DNMT1: variants seen among roughly 807,000 people sequenced by gnomAD.
DNMT1 encodes the protein DNA (cytosine-5)-methyltransferase 1.
In DNMT1, 24 loss-of-function variants were observed where a neutral mutation model predicts 205.3. That is an observed-to-expected ratio of 0.12 (90% CI 0.08 to 0.16). The LOEUF (loss-of-function observed/expected upper bound fraction) is 0.16. DNMT1 is among the 10% of genes least tolerant of loss of function. DNMT1 has a pLI of 1.00. For synonymous variants in DNMT1, 817 were observed against 839.8 expected (o/e 0.97, Z 0.47); for missense variants, 1,293 against 2,177.7 (o/e 0.59, Z 8.09).
intron 6 of DNMT1, among the ~76,000 whole-genome samples, chr19:10,176,479 G>A (rs955756928): frequency 3.9e-5 from 6 of 152,186 alleles, no homozygotes; most frequent in Admixed American, 6.5e-5. Flanking sequence ...AGGGAAAAAC[G>A]TAAATACCAA....
At chr19:10,158,596 A>G (rs952740322) in intron 17 of DNMT1, among the ~76,000 whole-genome samples, 8 of 152,178 alleles carry the variant, frequency 5.3e-5, no homozygotes, top group Admixed American at 3.9e-4. Flanking sequence ...AGGGAGAGGG[A>G]GCAAAATGGG....
chr19:10,180,339 T>G lies in DNMT1; in HGVS notation c.445+11A>C. 6.2e-7 allele frequency: 1 copy of G among 1,609,118 alleles called. No homozygotes were observed. ...AAACAATTAAAAATAAAAGGAATCATCTGCTCTTACGCTTAGCCTCTCCAT... is the reference window on the plus strand; with the variant it reads ...AAACAATTAAAAATAAAAGGAATCAGCTGCTCTTACGCTTAGCCTCTCCAT... On this transcript the variant is annotated intron_variant, in intron 4 of 40. Transcript: ENST00000359526.
chr19:10,183,695 G>T (rs1303154735), intron 1 of DNMT1, among the ~76,000 whole-genome samples: 2 of 152,020 alleles, frequency 1.3e-5, no homozygotes, highest in Non-Finnish European at 2.9e-5. Context: ...TGGCCAACAT[G>T]GCGAAACCCC....
At position 10,137,540 on chromosome 19, in the gene DNMT1, G is replaced by A. The variant is rs1336825328; in HGVS notation, c.4294-260C>T. ...GGAGTGGTGCCAGGGGATGGTGAAA[G>A]GGCTGGTCTTGGCATCCTGGGAAAA... is the stretch of plus-strand genomic sequence containing the variant. On this transcript the variant is annotated intron_variant, in intron 36 of 40. Transcript: ENST00000359526. The surrounding 1 kb of genome is among the most constrained non-coding windows in gnomAD (Gnocchi z 6.4). The A allele has an allele frequency of 7.8e-6, 5 of 637,386 alleles. No individual in the cohort carries two copies. Among genetic ancestry groups the A allele is most frequent in the Non-Finnish European group, 1.4e-5 (5 of 367,660 alleles). 39.5% of individuals were successfully genotyped at this position (637,386 alleles called of 1,614,324 possible). A position where few individuals can be genotyped will look rare whatever the true frequency, so the allele number is the denominator to read the frequency against.
rs76777528 is a variant in DNMT1, at chr19:10,168,833, C to A, written c.769-469G>T. On this transcript the variant is annotated intron_variant, in intron 9 of 40. Coordinates refer to ENST00000359526, the MANE Select transcript of DNMT1 (RefSeq NM_001130823.3). ...CACAACAACACATCCTCTGAGACTG[C>A]ATTTATTCATTTATTTATTTATGAG... 2.8e-3 allele frequency among the ~76,000 whole-genome samples: 420 copies of A among 152,140 alleles called. 2 individuals carry two copies. Among genetic ancestry groups the A allele is most frequent in the Non-Finnish European group, 5.2e-3 (353 of 67,988 alleles).
At chr19:10,139,613 C>G in intron 34 of DNMT1, 63 bp downstream of exon 34, 1 of 1,579,646 alleles carries the variant, frequency 6.3e-7, no homozygotes. Context: ...TAAGGGATGG[C>G]TGGCTGCTGG....
In DNMT1 at chr19:10,140,505, G is replaced by T; in HGVS notation, c.3524-177C>A. On this transcript the variant is annotated intron_variant, in intron 32 of 40. Transcript: ENST00000359526. This position sits in a 1 kb window ranked among gnomAD's most constrained non-coding sequence, Gnocchi z 8.4. The stretch of plus-strand genomic sequence containing the variant: ...CCACCTCAGCCTCCTGAGTAGCTGG[G>T]ACTACAGGCACACACCACCACGCCC... 1 of 999,936 alleles carries T rather than the reference G, an allele frequency of 1.0e-6. No individual in the cohort carries two copies. Among genetic ancestry groups the T allele is most frequent in the South Asian group, 1.5e-5 (1 of 65,730 alleles). 61.9% of individuals were successfully genotyped at this position (999,936 alleles called of 1,614,324 possible). A position where few individuals can be genotyped will look rare whatever the true frequency, so the allele number is the denominator to read the frequency against.
At chr19:10,139,853 C>CACAG in intron 33 of DNMT1, 36 bp from the exon 34 acceptor site, 1 of 1,561,480 alleles carries the variant, frequency 6.4e-7, no homozygotes, top group South Asian at 1.2e-5. Context: ...GAGTCACCTC[C>CACAG]ACAGACAGAG....
At chr19:10,174,682 G>A (rs976434834) in intron 7 of DNMT1, among the ~76,000 whole-genome samples, 6 of 151,608 alleles carry the variant, frequency 4.0e-5, no homozygotes, top group Non-Finnish European at 8.8e-5. Context: ...ACTCCATCCT[G>A]AGTGAAAGAG....
chr19:10,156,425 T>C lies in DNMT1; in HGVS notation c.1365A>G (p.Ala455=), dbSNP rs1331327607. Residue 455 remains alanine, a synonymous_variant, in exon 18 of 41, where the codon GCA becomes GCG. Transcript: ENST00000359526. This position sits in a 1 kb window ranked among gnomAD's most constrained non-coding sequence, Gnocchi z 4.2. ...ATGGGTCATCATCATAGATTGGTTT[T>C]GCTGAACCAGAAAAGAAGAGTTCGA... ...KNIELFFSGS[A]KPIYDDDPSL... 6 of 1,612,816 alleles carry C rather than the reference T, an allele frequency of 3.7e-6. No individual in the cohort carries two copies. The highest frequency in any genetic ancestry group is 3.4e-6 in the Non-Finnish European group (4 of 1,179,190).
Position 10,140,998 on chromosome 19 carries a change from C to T in DNMT1, c.3395-89G>A. On this transcript the variant is annotated intron_variant, in intron 31 of 40. Coordinates refer to ENST00000359526, the MANE Select transcript of DNMT1 (RefSeq NM_001130823.3). This position sits in a 1 kb window ranked among gnomAD's most constrained non-coding sequence, Gnocchi z 8.4. ...CGCCTTGTTAACTCAGGCGGCCTCGCTGTCCCAGAGTCAGTAACACCAGAG... is the reference window on the plus strand; with the variant it reads ...CGCCTTGTTAACTCAGGCGGCCTCGTTGTCCCAGAGTCAGTAACACCAGAG... 9 of 1,613,466 alleles carry T rather than the reference C, an allele frequency of 5.6e-6. No homozygotes were observed. The highest frequency in any genetic ancestry group is 6.8e-6 in the Non-Finnish European group (8 of 1,179,774).
At chr19:10,136,356 G>C in intron 37 of DNMT1, 69 bp from the exon 38 acceptor site, 2 of 1,589,738 alleles carry the variant, frequency 1.3e-6, no homozygotes, top group South Asian at 2.3e-5. Flanking sequence ...GTGGCTCTTA[G>C]AGCTTTGGGA....
chr19:10,163,337 T>C lies in DNMT1; in HGVS notation c.915A>G (p.Gln305=), dbSNP rs368346471. The change falls in exon 12 of 41, where the codon CAA becomes CAG. Residue 305 remains glutamine (Q), a synonymous_variant. Coordinates refer to ENST00000359526, the MANE Select transcript of DNMT1 (RefSeq NM_001130823.3). ...TTTTAAACACTTACAGATCTTTGGG[T>C]TGACTTCTGTGCTTCTTCTCATCCT... The part of the protein sequence containing the change: ...DEKDEKKHRS[Q]PKDLAAKRRP... 1 of 1,613,868 alleles carries C rather than the reference T, an allele frequency of 6.2e-7. No homozygotes were observed. The highest frequency in any genetic ancestry group is 1.3e-5 in the African/African-American group (1 of 74,896).
At chr19:10,186,357 G>A (rs2039180790) in intron 1 of DNMT1, among the ~76,000 whole-genome samples, 1 of 152,122 alleles carries the variant, frequency 6.6e-6, no homozygotes, top group South Asian at 2.1e-4. Flanking sequence ...TAACTTTAGC[G>A]ACATCCCTTC....
At chr19:10,158,352 G>A in intron 17 of DNMT1, among the ~76,000 whole-genome samples, 1 of 152,176 alleles carries the variant, frequency 6.6e-6, no homozygotes, top group East Asian at 1.9e-4. Context: ...CCCATAGAAG[G>A]AGAGGGAGGG....
Position 10,146,788 on chromosome 19 carries a change from G to A in DNMT1, c.2721-264C>T, listed in dbSNP as rs1158425585. On this transcript the variant is annotated intron_variant, in intron 27 of 40. Transcript: ENST00000359526. This position sits in a 1 kb window ranked among gnomAD's most constrained non-coding sequence, Gnocchi z 4.4. Reference sequence around the variant, plus strand: ...AAAACCCTAAGATATCAATGAACAGGGTCTAGAATATGGTTAAGAACACAC... The same window carrying A: ...AAAACCCTAAGATATCAATGAACAGAGTCTAGAATATGGTTAAGAACACAC... Among the ~76,000 whole-genome samples, 1 of 152,126 alleles carries A rather than the reference G, an allele frequency of 6.6e-6. No homozygotes were observed. The highest frequency in any genetic ancestry group is 1.5e-5 in the Non-Finnish European group (1 of 68,020).
Position 10,138,697 on chromosome 19 carries a change from G to A in DNMT1, c.3949-92C>T, listed in dbSNP as rs984775136. The A allele has an allele frequency of 4.0e-5, 59 of 1,491,928 alleles. No individual in the cohort carries two copies. The African/African-American group carries it at 5.3e-4, about 13-fold the overall frequency. 92.4% of individuals were successfully genotyped at this position (1,491,928 alleles called of 1,614,324 possible). ...AGGCCCAGGGTCAGCAGCCTGAGTC[G>A]GGAGTGGCTGGCCAATGCGGAGTGC... On this transcript the variant is annotated intron_variant, in intron 34 of 40. Coordinates refer to ENST00000359526, the MANE Select transcript of DNMT1 (RefSeq NM_001130823.3). The surrounding 1 kb of genome is among the most constrained non-coding windows in gnomAD (Gnocchi z 4.1).
At position 10,156,517 on chromosome 19, in the gene DNMT1, G is replaced by T; in HGVS notation, c.1281-8C>A. The T allele has an allele frequency of 6.2e-7, 1 of 1,607,484 alleles. No individual in the cohort carries two copies. ...CCGTGCTTACAGTACACACTAGACAGGAAACAAAGCACATGCTTACCAGCT... is the reference window on the plus strand; with the variant it reads ...CCGTGCTTACAGTACACACTAGACATGAAACAAAGCACATGCTTACCAGCT... On this transcript the variant is annotated splice_region_variant and splice_polypyrimidine_tract_variant and intron_variant, in intron 17 of 40. Coordinates refer to ENST00000359526, the MANE Select transcript of DNMT1 (RefSeq NM_001130823.3). The surrounding 1 kb of genome is among the most constrained non-coding windows in gnomAD (Gnocchi z 4.2).
intron 26 of DNMT1, 93 bp downstream of exon 26, chr19:10,149,360 A>T (rs1233488653): frequency 8.1e-6 from 11 of 1,351,996 alleles, no homozygotes; most frequent in African/African-American, 4.4e-5. Context: ...AAACCAAATT[A>T]AAAAAAAATA....
Sources: gnomAD v4.1 joint callset for allele counts (sites outside exome capture counted in the v4.1 genomes callset) on GRCh38, gnomAD v4.1.1 for gene constraint, Gnocchi (gnomAD v3.1) non-coding constraint, MANE v1.5 for transcripts, NCBI Gene and HGNC (gene_info 2026-07-23, HGNC 2026-07-21) for gene names.